ADARB2: variants seen among roughly 807,000 people sequenced by gnomAD.
The protein encoded by ADARB2 is adenosine deaminase RNA specific B2 (inactive), also known as inactive double-stranded RNA-specific editase B2.
In ADARB2, 25 loss-of-function variants were observed where a neutral mutation model predicts 62.2. The observed-to-expected ratio is 0.40, with a 90% CI of 0.29 to 0.56. The LOEUF (loss-of-function observed/expected upper bound fraction) is 0.56. Among genes scored for constraint, ADARB2 ranks in the 20% least tolerant of loss-of-function variants. The pLI is 0.43. For synonymous variants in ADARB2, 572 were observed against 500.8 expected, an observed-to-expected ratio of 1.14 and a Z score of -1.90; for missense variants, 1,071 against 1,077.4, an observed-to-expected ratio of 0.99 and a Z score of 0.08.
At chr10:1,457,756 G>C (rs1191012587) in intron 1 of ADARB2, among the ~76,000 whole-genome samples, 1 of 152,006 alleles carries the variant, frequency 6.6e-6, no homozygotes, top group Non-Finnish European at 1.5e-5. Context: ...AGCCTTTCAG[G>C]ATAGATATCC....
intron 1 of ADARB2, among the ~76,000 whole-genome samples, chr10:1,509,094 G>A (rs1381236079): frequency 6.6e-6 from 1 of 152,098 alleles, no homozygotes; most frequent in Non-Finnish European, 1.5e-5. Flanking sequence ...CTCGATAATC[G>A]TGCCTCGTTT....
chr10:1,246,730 G>C (rs1264379710), intron 4 of ADARB2, among the ~76,000 whole-genome samples: 1 of 136,092 alleles, frequency 7.3e-6, no homozygotes, highest in African/African-American at 2.8e-5. Context: ...ATGCTGTTTT[G>C]GTTACTGTAG....
At chr10:1,500,462 A>G (rs528947630) in intron 1 of ADARB2, among the ~76,000 whole-genome samples, 4 of 152,374 alleles carry the variant, frequency 2.6e-5, no homozygotes, top group African/African-American at 9.6e-5. Context: ...TGACAAAAAC[A>G]GTGGCAATTC....
chr10:1,274,713 G>T (rs1161665879), intron 3 of ADARB2, among the ~76,000 whole-genome samples: 1 of 152,218 alleles, frequency 6.6e-6, no homozygotes, highest in Non-Finnish European at 1.5e-5. Flanking sequence ...AGCAGGCGCG[G>T]TACCTGCCCA....
chr10:1,674,019 T>C (rs1360156307), intron 1 of ADARB2, among the ~76,000 whole-genome samples: 1 of 152,226 alleles, frequency 6.6e-6, no homozygotes, highest in Non-Finnish European at 1.5e-5. Flanking sequence ...AAATAATGTG[T>C]TAATAATCAG....
intron 4 of ADARB2, among the ~76,000 whole-genome samples, chr10:1,254,170 CATGGTGGGCTCTGTGGTTAGGAT>C (rs58145515): frequency 0.026 from 3,546 of 137,406 alleles, 133 homozygotes; most frequent in African/African-American, 0.088. Flanking sequence ...GTGGTTAGGA[CATGGTGGGCTCTGTGGTTAGGAT>C]GTGGTGGGCT....
intron 1 of ADARB2, among the ~76,000 whole-genome samples, chr10:1,624,719 C>CTATTA: frequency 6.6e-6 from 1 of 152,080 alleles, no homozygotes; most frequent in Non-Finnish European, 1.5e-5. Context: ...TAGTTATGTA[C>CTATTA]TACTTGACAG....
At chr10:1,265,659 T>C (rs11250373) in intron 4 of ADARB2, among the ~76,000 whole-genome samples, 281 of 13,446 alleles carry the variant, frequency 0.021, 32 homozygotes, top group Admixed American at 0.027. Flanking sequence ...GTCCACGCTC[T>C]CCCGGAAGAC....
At chr10:1,223,156 G>T (rs1350780685) in intron 6 of ADARB2, among the ~76,000 whole-genome samples, 2 of 152,052 alleles carry the variant, frequency 1.3e-5, no homozygotes, top group African/African-American at 4.8e-5. Flanking sequence ...GGATTCCTAG[G>T]TATTTTATTC....
intron 1 of ADARB2, among the ~76,000 whole-genome samples, chr10:1,715,099 C>A (rs377283335): frequency 5.2e-4 from 77 of 147,226 alleles, no homozygotes; most frequent in African/African-American, 1.7e-3. Context: ...CTCATTCTTT[C>A]CTAAGTCAAA....
At chr10:1,709,602 G>C (rs995321620) in intron 1 of ADARB2, among the ~76,000 whole-genome samples, 2 of 152,332 alleles carry the variant, frequency 1.3e-5, no homozygotes, top group South Asian at 4.1e-4. Context: ...TGTGTCATTA[G>C]AAAGAGTGAC....
At chr10:1,260,709 T>C (rs1024314225) in intron 4 of ADARB2, among the ~76,000 whole-genome samples, 1 of 147,594 alleles carries the variant, frequency 6.8e-6, no homozygotes, top group Non-Finnish European at 1.5e-5. Context: ...ATCAATATTG[T>C]GAAAATGGCC....
At chr10:1,454,998 T>C (rs1041197722) in intron 1 of ADARB2, among the ~76,000 whole-genome samples, 2 of 152,198 alleles carry the variant, frequency 1.3e-5, no homozygotes, top group African/African-American at 4.8e-5. Flanking sequence ...TTTAGTCACG[T>C]TGTAGAAATT....
chr10:1,185,180 G>A (rs549890339), intron 8 of ADARB2, 141 bp from the exon 9 acceptor site: 319 of 1,155,182 alleles, frequency 2.8e-4, no homozygotes, highest in Non-Finnish European at 3.6e-4. Flanking sequence ...GCCAGTTCAC[G>A]TGTCACCCGC....
rs187326509 is a variant in ADARB2 at position 1,626,689 on chromosome 10, C to A, written c.100+110362G>T. On this transcript the variant is annotated intron_variant, in intron 1 of 9. Coordinates refer to ENST00000381312, the MANE Select transcript of ADARB2 (RefSeq NM_018702.4). ...GAAGAACGTGAATGACTTGCCAGGG[C>A]CATGGGCAGAGGGAAGGTGGCTACA... Among the ~76,000 whole-genome samples, 23 of 152,296 alleles carry A rather than the reference C, an allele frequency of 1.5e-4. No individual in the cohort carries two copies. The East Asian group carries it at 4.3e-3, about 28-fold the overall frequency.
rs1159793859 is a variant in ADARB2 at position 1,379,091 on chromosome 10, T to A, written c.170A>T (p.Glu57Val). The stretch of plus-strand genomic sequence containing the variant: ...TTGCTTACTGAGGGTGTCGTCATCC[T>A]CCGTGTTTGTGATGCCAGGACTCAG... ...KHLSPGITNT[E>V]DDDTLSTSSA... The change falls in exon 2 of 10, where the codon GAG (glutamate) becomes GTG (valine). Residue 57 changes from glutamate (E) to valine (V), a missense_variant. Physicochemically the swap from Glu to Val is moderately radical, Grantham distance 121. Transcript: ENST00000381312. The A allele has an allele frequency of 6.2e-7, 1 of 1,613,530 alleles. No homozygotes were observed. The highest frequency in any genetic ancestry group is 8.5e-7 in the Non-Finnish European group (1 of 1,179,634).
At chr10:1,570,993 C>T (rs1263927620) in intron 1 of ADARB2, among the ~76,000 whole-genome samples, 2 of 152,040 alleles carry the variant, frequency 1.3e-5, no homozygotes, top group Admixed American at 1.3e-4. Context: ...CTCCTGCCTC[C>T]CAGACAAAAC....
Position 1,682,223 on chromosome 10 carries a change from C to T in ADARB2, c.100+54828G>A, listed in dbSNP as rs111592534. On this transcript the variant is annotated intron_variant, in intron 1 of 9. Coordinates refer to ENST00000381312, the MANE Select transcript of ADARB2 (RefSeq NM_018702.4). Reference sequence around the variant, plus strand: ...GGAGGAATAAGAGAGCACTGGGCGTCGAAGACCCAGAGGCCTCAGCACGAA... The same window carrying T: ...GGAGGAATAAGAGAGCACTGGGCGTTGAAGACCCAGAGGCCTCAGCACGAA... Among the ~76,000 whole-genome samples the T allele has an allele frequency of 5.3e-5, 8 of 152,262 alleles. No individual in the cohort carries two copies. In the South Asian group the frequency reaches 6.2e-4, roughly 12 times the overall value.
intron 4 of ADARB2, among the ~76,000 whole-genome samples, chr10:1,256,803 A>T (rs963050758): frequency 2.0e-5 from 3 of 152,182 alleles, no homozygotes; most frequent in East Asian, 1.9e-4. Context: ...AGTCTATTAA[A>T]AGTCTATTTA....
Sources: gnomAD v4.1 joint callset for allele counts (sites outside exome capture counted in the v4.1 genomes callset) on GRCh38, gnomAD v4.1.1 for gene constraint, MANE v1.5 for transcripts, NCBI Gene and HGNC (gene_info 2026-07-23, HGNC 2026-07-21) for gene names.